WDR35: variants seen among roughly 807,000 people sequenced by gnomAD.
The protein encoded by WDR35 is WD repeat domain 35.
In WDR35, 118 loss-of-function variants were observed where a neutral mutation model predicts 158.3. The ratio of observed to expected loss-of-function variants is 0.75; its 90% confidence interval spans 0.64 to 0.87. The LOEUF (loss-of-function observed/expected upper bound fraction) is 0.87, where lower values mean the gene tolerates loss of function less well. WDR35 is among the 40% of genes least tolerant of loss of function. WDR35 has a pLI of 0.00. For synonymous variants in WDR35, 448 were observed against 476.1 expected (o/e 0.94, Z 0.77); for missense variants, 1,263 against 1,405.8 (o/e 0.90, Z 1.62).
In WDR35 at chr2:19,978,802, T is replaced by G. The variant is rs1024585031; in HGVS notation, c.385A>C (p.Lys129Gln). ...CCATCTTCATATACAATGCAGATCT[T>G]CTGTCCGTCAGCATTCCAGCTCATA... is the stretch of plus-strand genomic sequence containing the variant. ...RSMSWNADGQ[K>Q]ICIVYEDGAV... Residue 129 changes from lysine to glutamine, a missense_variant, in exon 5 of 27, where the codon AAG becomes CAG. Physicochemically the swap from Lys to Gln is moderately conservative, Grantham distance 53 (BLOSUM62 1). Transcript: ENST00000281405. 3 of 1,613,802 alleles carry G rather than the reference T, an allele frequency of 1.9e-6. No homozygotes were observed. In the Admixed American group the frequency reaches 5.0e-5, roughly 27 times the overall value.
intron 11 of WDR35, among the ~76,000 whole-genome samples, chr2:19,955,562 T>A (rs1404975634): frequency 2.0e-5 from 3 of 152,178 alleles, no homozygotes; most frequent in Non-Finnish European, 1.5e-5. Flanking sequence ...TAAACACTCA[T>A]ACGAAATACA....
intron 13 of WDR35, among the ~76,000 whole-genome samples, chr2:19,950,299 A>G (rs1026990927): frequency 1.3e-5 from 2 of 152,154 alleles, no homozygotes; most frequent in East Asian, 3.8e-4. Flanking sequence ...TAATGTGTAG[A>G]TCAAATAATA....
chr2:19,982,583 T>A (rs755663615), intron 2 of WDR35, 49 bp from the exon 3 acceptor site: 3 of 1,578,692 alleles, frequency 1.9e-6, no homozygotes, highest in Admixed American at 1.7e-5. Flanking sequence ...AAAAGTGACA[T>A]ATTATAAGAT....
Position 19,973,548 on chromosome 2 carries a change from T to C in WDR35, c.882+15A>G, listed in dbSNP as rs747401473. ...TTTAAATAGAAAGAAAGAAGATCAA[T>C]TTGAATGCATTTACCTCACCAAACG... On this transcript the variant is annotated intron_variant, in intron 8 of 26. Coordinates refer to ENST00000281405, the MANE Select transcript of WDR35 (RefSeq NM_020779.4). 1 of 1,614,128 alleles carries C rather than the reference T, an allele frequency of 6.2e-7. No homozygotes were observed. Among genetic ancestry groups the C allele is most frequent in the African/African-American group, 1.3e-5 (1 of 75,048 alleles).
Position 19,974,609 on chromosome 2 carries a change from C to T in WDR35, c.595G>A (p.Val199Met). The change falls in exon 7 of 27, where the codon GTG (valine) becomes ATG (methionine). Residue 199 changes from valine to methionine, a missense_variant. Transcript: ENST00000281405. Reference sequence around the variant, plus strand: ...ATGCTGATAGCTCCAGTGACATTCACCAAACAACTCAGTTTCATTTTTATC... The same window carrying T: ...ATGCTGATAGCTCCAGTGACATTCATCAAACAACTCAGTTTCATTTTTATC... The part of the protein sequence containing the change: ...FMIKMKLSCL[V>M]NVTGAISIAG... The T allele has an allele frequency of 6.2e-7, 1 of 1,613,602 alleles. No individual in the cohort carries two copies.
intron 25 of WDR35, among the ~76,000 whole-genome samples, chr2:19,926,178 C>T (rs1303667526): frequency 6.6e-6 from 1 of 152,244 alleles, no homozygotes; most frequent in African/African-American, 2.4e-5. Context: ...GGATTGCCTT[C>T]TCCTGCTATA....
intron 4 of WDR35, among the ~76,000 whole-genome samples, chr2:19,980,200 T>C (rs1558359767): frequency 6.6e-6 from 1 of 152,240 alleles, no homozygotes; most frequent in African/African-American, 2.4e-5. Context: ...TATTCATTCA[T>C]TCAACAAATA....
Position 19,930,680 on chromosome 2 carries a change from CTTTT to C in WDR35, c.2965-132_2965-129del, listed in dbSNP as rs902144847. ...ATCATTACAAAACTATGATTACAGA[CTTTT>C]TTTTTTAAGAGATGAGGTATTACTC... On this transcript the variant is annotated intron_variant, in intron 24 of 26. Coordinates refer to ENST00000281405, the MANE Select transcript of WDR35 (RefSeq NM_020779.4). 100 of 1,253,134 alleles carry C rather than the reference CTTTT, an allele frequency of 8.0e-5. No individual in the cohort carries two copies. In the East Asian group the frequency reaches 2.6e-3, roughly 32 times the overall value. The allele number at this position is 1,253,134 out of a possible 1,614,324, so 77.6% of individuals were successfully genotyped here.
chr2:19,945,925 G>T lies in WDR35; in HGVS notation c.1706C>A (p.Thr569Lys), dbSNP rs761770947. Residue 569 changes from threonine to lysine, a missense_variant, in exon 16 of 27, where the codon ACG (threonine) becomes AAG (lysine). By Grantham distance (78) the Thr-to-Lys change is moderately conservative. Coordinates refer to ENST00000281405, the MANE Select transcript of WDR35 (RefSeq NM_020779.4). The stretch of plus-strand genomic sequence containing the variant: ...CAACTCTCCAACTACTTGCTGTCCC[G>T]TACTGTCCGTTACTCGAGCATCCAA... ...FDLDARVTDS[T>K]GQQVVGELLK... The T allele has an allele frequency of 1.9e-6, 3 of 1,613,682 alleles. No individual in the cohort carries two copies. The highest frequency in any genetic ancestry group is 2.7e-5 in the African/African-American group (2 of 74,838).
At chr2:19,935,689 A>G in intron 20 of WDR35, 86 bp from the exon 21 acceptor site, 2 of 1,483,470 alleles carry the variant, frequency 1.3e-6, no homozygotes, top group South Asian at 1.2e-5. Flanking sequence ...TTCCTTCATC[A>G]TAATTCCCAG....
chr2:19,948,064 A>G (rs1003197742), intron 14 of WDR35, 100 bp downstream of exon 14: 2 of 942,708 alleles, frequency 2.1e-6, no homozygotes, highest in Admixed American at 2.4e-5. Context: ...CAGCTTCCCA[A>G]GTAACTGTGA....
intron 25 of WDR35, among the ~76,000 whole-genome samples, chr2:19,917,852 A>AT (rs1356761341): frequency 2.6e-5 from 4 of 152,234 alleles, no homozygotes; most frequent in Admixed American, 6.5e-5. Flanking sequence ...TCCCCAACCT[A>AT]GCAAGGCAGG....
Position 19,990,059 on chromosome 2 carries a change from A to G in WDR35, c.-44T>C, listed in dbSNP as rs1341137175. The G allele has an allele frequency of 1.2e-6, 2 of 1,611,236 alleles. No homozygotes were observed. The stretch of plus-strand genomic sequence containing the variant: ...GTCACGGCGGCCGCTAAGGCCCTCG[A>G]CAAGTAACGGTTCTACGTCTCCAAT... On this transcript the variant is annotated 5_prime_UTR_variant, in exon 1 of 27. Transcript: ENST00000281405.
intron 25 of WDR35, among the ~76,000 whole-genome samples, chr2:19,924,245 T>C (rs1200758531): frequency 6.6e-6 from 1 of 152,176 alleles, no homozygotes; most frequent in African/African-American, 2.4e-5. Context: ...GTGGATTTTA[T>C]AGCTTGGTTA....
At chr2:19,938,479 GAACAA>G (rs1670769819) in intron 17 of WDR35, 78 bp from the exon 18 acceptor site, 2 of 1,487,526 alleles carry the variant, frequency 1.3e-6, no homozygotes, top group East Asian at 5.0e-5. Context: ...TTAAAAACCA[GAACAA>G]AACAAAACAA....
chr2:19,913,574 TG>T lies in WDR35; in HGVS notation c.3496del (p.His1166IlefsTer13). ...ISHYSFCPLC[H>X]SPVG Reference sequence around the variant, plus strand: ...ATCATTCCTTTATCCCACTGGACTATGGCATAAGGGGCAGAAGCTGTAGTGG... The same window carrying T: ...ATCATTCCTTTATCCCACTGGACTATGCATAAGGGGCAGAAGCTGTAGTGG... On this transcript the variant is annotated frameshift_variant, in exon 27 of 27. Coordinates refer to ENST00000281405, the MANE Select transcript of WDR35 (RefSeq NM_020779.4). LOFTEE classifies it high-confidence loss of function. The T allele has an allele frequency of 6.2e-7, 1 of 1,614,104 alleles. No individual in the cohort carries two copies. Among genetic ancestry groups the T allele is most frequent in the South Asian group, 1.1e-5 (1 of 91,090 alleles).
intron 10 of WDR35, among the ~76,000 whole-genome samples, chr2:19,961,579 G>A (rs931401301): frequency 6.6e-6 from 1 of 152,178 alleles, no homozygotes; most frequent in African/African-American, 2.4e-5. Context: ...GATGAAACAT[G>A]GCTTTGCCTG....
rs369877425 is a variant in WDR35 at position 19,951,222 on chromosome 2, A to G, written c.1470+193T>C. Among the ~76,000 whole-genome samples the G allele has an allele frequency of 2.0e-4, 30 of 152,252 alleles. No individual in the cohort carries two copies. In the South Asian group the frequency reaches 6.2e-3, roughly 32 times the overall value. ...AGTAGTATATTAGCTACTTATCACC[A>G]TCTACCATCTTTATTTTAGTTCAAG... On this transcript the variant is annotated intron_variant, in intron 13 of 26. Coordinates refer to ENST00000281405, the MANE Select transcript of WDR35 (RefSeq NM_020779.4).
In WDR35 at chr2:19,945,832, A is replaced by T. The variant is rs1413170867; in HGVS notation, c.1799T>A (p.Met600Lys). The change falls in exon 16 of 27, where the codon ATG (methionine) becomes AAG (lysine). Residue 600 changes from methionine (M) to lysine (K), a missense_variant. Met to Lys is a moderately conservative substitution (Grantham distance 95, BLOSUM62 -1). Coordinates refer to ENST00000281405, the MANE Select transcript of WDR35 (RefSeq NM_020779.4). ...AACATACATTCTTGTCTTCTCCATC[A>T]TTGCAAACAAATCAGGATTATCTTT... ...WAKDNPDLFA[M>K]MEKTRMYVFR... 1 of 1,613,942 alleles carries T rather than the reference A, an allele frequency of 6.2e-7. No individual in the cohort carries two copies. Among genetic ancestry groups the T allele is most frequent in the Non-Finnish European group, 8.5e-7 (1 of 1,179,856 alleles).
Sources: allele counts gnomAD v4.1 joint callset (sites outside exome capture counted in the v4.1 genomes callset), GRCh38; gene constraint gnomAD v4.1.1; transcripts MANE v1.5; gene names NCBI Gene and HGNC (gene_info 2026-07-23, HGNC 2026-07-21).